The following TTYH2 variants were observed in gnomAD, a reference collection of about 807,000 sequenced individuals.
TTYH2 encodes tweety family member 2.
In TTYH2, 49 loss-of-function variants were observed where a neutral mutation model predicts 68.3. The observed-to-expected ratio is 0.72, with a 90% CI of 0.57 to 0.91. TTYH2 has a LOEUF of 0.91. Ranked by LOEUF, TTYH2 falls within the 40% of genes least tolerant of loss-of-function variation. The pLI is 0.00. For missense variants in TTYH2, 631 were observed against 700.4 expected (o/e 0.90, Z 1.12); for synonymous variants, 272 against 300.8 (o/e 0.90, Z 0.99).
intron 6 of TTYH2, among the ~76,000 whole-genome samples, chr17:74,245,761 C>G (rs546673125): frequency 6.6e-6 from 1 of 152,114 alleles, no homozygotes; most frequent in East Asian, 1.9e-4. Flanking sequence ...GCCAGGAGGG[C>G]GGGGAGGGCG....
chr17:74,251,148 T>C (rs1195580966), intron 10 of TTYH2, among the ~76,000 whole-genome samples: 1 of 150,478 alleles, frequency 6.6e-6, no homozygotes, highest in Non-Finnish European at 1.5e-5. Context: ...ATGTGATGTG[T>C]GTATGTATGT....
intron 2 of TTYH2, among the ~76,000 whole-genome samples, chr17:74,226,903 C>T (rs2050335884): frequency 6.6e-6 from 1 of 152,120 alleles, no homozygotes; most frequent in Non-Finnish European, 1.5e-5. Flanking sequence ...CAGGAGAGAC[C>T]AGGAGAACCT....
At chr17:74,250,935 C>T (rs1350337683) in intron 10 of TTYH2, among the ~76,000 whole-genome samples, 1 of 144,720 alleles carries the variant, frequency 6.9e-6, no homozygotes, top group Non-Finnish European at 1.5e-5. Context: ...TCCAGTATGT[C>T]ATTCAGTTCT....
Position 74,222,360 on chromosome 17 carries a change from A to T in TTYH2, c.130-125A>T. 2 of 1,160,836 alleles carry T rather than the reference A, an allele frequency of 1.7e-6. No homozygotes were observed. Among genetic ancestry groups the T allele is most frequent in the Non-Finnish European group, 2.4e-6 (2 of 842,420 alleles). The allele number at this position is 1,160,836 out of a possible 1,614,324, so 71.9% of individuals were successfully genotyped here. A position where few individuals can be genotyped will look rare whatever the true frequency, so the allele number is the denominator to read the frequency against. On this transcript the variant is annotated intron_variant, in intron 1 of 13. Coordinates refer to ENST00000269346, the MANE Select transcript of TTYH2 (RefSeq NM_032646.6). This position sits in a 1 kb window ranked among gnomAD's most constrained non-coding sequence, Gnocchi z 5.2. ...GAGTAGGAGCTTGAACCCTAGGTGG[A>T]GCTTGGAAGGATGGACGAGAGATGC...
rs2050227530 is a variant in TTYH2 at position 74,217,026 on chromosome 17, C to A, written c.129+3310C>A. ...GTGTTGGGGAGAAGGGAATGGGCAC[C>A]TGGCACTGAATCCAGCAATGTCTCT... is the stretch of plus-strand genomic sequence containing the variant. On this transcript the variant is annotated intron_variant, in intron 1 of 13. Coordinates refer to ENST00000269346, the MANE Select transcript of TTYH2 (RefSeq NM_032646.6). The surrounding 1 kb of genome is among the most constrained non-coding windows in gnomAD (Gnocchi z 4.0). 6.6e-6 allele frequency among the ~76,000 whole-genome samples: 1 copy of A among 152,238 alleles called. No homozygotes were observed. The highest frequency in any genetic ancestry group is 2.4e-5 in the African/African-American group (1 of 41,458).
intron 6 of TTYH2, chr17:74,248,753 G>C: frequency 7.2e-7 from 1 of 1,385,046 alleles, no homozygotes; most frequent in South Asian, 1.7e-5. Flanking sequence ...CACTTTACTT[G>C]CATTGGGTGA....
In TTYH2 at chr17:74,260,241, C is replaced by T. The variant is rs372473513; in HGVS notation, c.*32C>T. Reference sequence around the variant, plus strand: ...TTCGGGGGTTCCTGCCTCCTTTTTCCGTTCTGGTTTTTAATTAGTGCAAAT... The same window carrying T: ...TTCGGGGGTTCCTGCCTCCTTTTTCTGTTCTGGTTTTTAATTAGTGCAAAT... On this transcript the variant is annotated 3_prime_UTR_variant, in exon 14 of 14. Transcript: ENST00000269346. The T allele has an allele frequency of 3.0e-5, 48 of 1,606,280 alleles. No homozygotes were observed. The highest frequency in any genetic ancestry group is 2.3e-4 in the African/African-American group (17 of 74,838).
In TTYH2 at chr17:74,239,678, T is replaced by C. The variant is rs1463992391; in HGVS notation, c.635+2164T>C. ...CCGTCCAGTCCCTGCATCTCCGCCA[T>C]GTCCTGGATGCTCTGGATTGAAGGG... On this transcript the variant is annotated intron_variant, in intron 4 of 13. Transcript: ENST00000269346. This position sits in a 1 kb window ranked among gnomAD's most constrained non-coding sequence, Gnocchi z 5.3. Among the ~76,000 whole-genome samples, 1 of 152,164 alleles carries C rather than the reference T, an allele frequency of 6.6e-6. No individual in the cohort carries two copies. The highest frequency in any genetic ancestry group is 2.4e-5 in the African/African-American group (1 of 41,452).
intron 13 of TTYH2, among the ~76,000 whole-genome samples, chr17:74,256,420 G>A (rs2050694255): frequency 6.6e-6 from 1 of 152,044 alleles, no homozygotes; most frequent in Admixed American, 6.6e-5. Context: ...CTCTGCGTGT[G>A]GGATGTTCAG....
At chr17:74,219,283 G>A (rs1215623276) in intron 1 of TTYH2, among the ~76,000 whole-genome samples, 1 of 151,234 alleles carries the variant, frequency 6.6e-6, no homozygotes, top group African/African-American at 2.5e-5. Context: ...CAGATACTCA[G>A]GAGGCTGAGG....
At chr17:74,248,688 A>C (rs917100435) in intron 6 of TTYH2, 1 of 1,221,386 alleles carries the variant, frequency 8.2e-7, no homozygotes. Flanking sequence ...GTCCCAGAAG[A>C]GGCATTCGGG....
intron 13 of TTYH2, among the ~76,000 whole-genome samples, chr17:74,254,578 G>A (rs749617442): frequency 1.1e-4 from 16 of 152,220 alleles, no homozygotes; most frequent in Non-Finnish European, 2.1e-4. Context: ...AAGGAGATGA[G>A]GTGCTGTCTT....
Position 74,239,087 on chromosome 17 carries a change from G to A in TTYH2, c.635+1573G>A, listed in dbSNP as rs1276753716. Among the ~76,000 whole-genome samples the A allele has an allele frequency of 2.6e-5, 4 of 152,080 alleles. No homozygotes were observed. The highest frequency in any genetic ancestry group is 6.5e-5 in the Admixed American group (1 of 15,278). On this transcript the variant is annotated intron_variant, in intron 4 of 13. Coordinates refer to ENST00000269346, the MANE Select transcript of TTYH2 (RefSeq NM_032646.6). This position sits in a 1 kb window ranked among gnomAD's most constrained non-coding sequence, Gnocchi z 5.3. ...CACTTAGGTGTACAAACTCATGCCC[G>A]TGTCATCTGACCTCTGGGGCTTTGT...
chr17:74,226,572 G>C (rs1462948282), intron 2 of TTYH2, among the ~76,000 whole-genome samples: 1 of 152,172 alleles, frequency 6.6e-6, no homozygotes, highest in Non-Finnish European at 1.5e-5. Flanking sequence ...AGGAAGGAGA[G>C]TCGGGACAGC....
At chr17:74,248,278 G>A (rs1205863966) in intron 6 of TTYH2, 1 of 985,562 alleles carries the variant, frequency 1.0e-6, no homozygotes, top group Non-Finnish European at 1.2e-6. Flanking sequence ...CCAGATCTGG[G>A]GTGCGCCTGG....
At chr17:74,249,734 T>C (rs550550977) in intron 8 of TTYH2, among the ~76,000 whole-genome samples, 10 of 146,840 alleles carry the variant, frequency 6.8e-5, no homozygotes, top group South Asian at 2.2e-4. Context: ...GGGAGAAGAC[T>C]GTGCAGCTCT....
At chr17:74,252,506 C>A in intron 11 of TTYH2, 130 bp downstream of exon 11, 1 of 1,168,204 alleles carries the variant, frequency 8.6e-7, no homozygotes, top group Non-Finnish European at 1.2e-6. Context: ...CCCGGGCATT[C>A]AGCCCAACAG....
rs2143780521 is a variant in TTYH2, at chr17:74,253,170, T to C, written c.1349T>C (p.Leu450Pro). The C allele has an allele frequency of 2.5e-6, 4 of 1,614,014 alleles. No homozygotes were observed. The East Asian group carries it at 6.7e-5, about 27-fold the overall frequency. The change falls in exon 12 of 14, where the codon CTT (leucine) becomes CCT (proline). Residue 450 changes from leucine (L) to proline (P), a missense_variant. Coordinates refer to ENST00000269346, the MANE Select transcript of TTYH2 (RefSeq NM_032646.6). The part of the protein sequence containing the change: ...MAAHSPPRGQ[L>P]HSFCSYSSGL... Reference sequence around the variant, plus strand: ...GCTCACAGTCCCCCGAGGGGACAGCTTCACAGCTTCTGCAGCTACAGCAGT... The same window carrying C: ...GCTCACAGTCCCCCGAGGGGACAGCCTCACAGCTTCTGCAGCTACAGCAGT...
At chr17:74,244,739 C>T (rs147126354) in intron 6 of TTYH2, among the ~76,000 whole-genome samples, 2 of 152,278 alleles carry the variant, frequency 1.3e-5, no homozygotes, top group Admixed American at 6.5e-5. Context: ...TACAAGTTGC[C>T]TGGGGTTGCG....
Sources: gnomAD v4.1 joint callset for allele counts (sites outside exome capture counted in the v4.1 genomes callset) on GRCh38, gnomAD v4.1.1 for gene constraint, Gnocchi (gnomAD v3.1) non-coding constraint, MANE v1.5 for transcripts, NCBI Gene and HGNC (gene_info 2026-07-23, HGNC 2026-07-21) for gene names.